Variants in STK3 observed in about 807,000 individuals in gnomAD.
STK3 encodes the protein serine/threonine-protein kinase 3.
In STK3, 41 loss-of-function variants were observed where a neutral mutation model predicts 58.0. That is an observed-to-expected ratio of 0.71 (90% CI 0.55 to 0.92). STK3 has a LOEUF of 0.92. STK3 is among the 40% of genes least tolerant of loss of function. STK3 has a pLI of 0.00. For missense variants in STK3, 479 were observed against 602.7 expected, an observed-to-expected ratio of 0.79 and a Z score of 2.15; for synonymous variants, 170 against 191.0, an observed-to-expected ratio of 0.89 and a Z score of 0.91.
intron 6 of STK3, among the ~76,000 whole-genome samples, chr8:98,666,825 C>G: frequency 6.6e-6 from 1 of 151,950 alleles, no homozygotes. Context: ...TTACAATGTC[C>G]CAAACACATG....
chr8:98,930,659 G>A (rs944805895), intron 1 of STK3, among the ~76,000 whole-genome samples: 1 of 152,098 alleles, frequency 6.6e-6, no homozygotes, highest in Non-Finnish European at 1.5e-5. Flanking sequence ...ATTTAGGAAG[G>A]GTAAAAAATA....
intron 9 of STK3, among the ~76,000 whole-genome samples, chr8:98,533,991 T>A (rs765246936): frequency 9.9e-5 from 15 of 152,218 alleles, no homozygotes; most frequent in Non-Finnish European, 2.1e-4. Context: ...AATTAGTAGA[T>A]GCTATATGTA....
chr8:98,609,759 G>C (rs1817044797), intron 6 of STK3, among the ~76,000 whole-genome samples: 1 of 152,096 alleles, frequency 6.6e-6, no homozygotes, highest in East Asian at 1.9e-4. Context: ...AGGAGATCGA[G>C]ACCATCCTGG....
intron 3 of STK3, among the ~76,000 whole-genome samples, chr8:98,402,317 C>T (rs1369773999): frequency 1.3e-5 from 2 of 152,142 alleles, no homozygotes; most frequent in Admixed American, 6.5e-5. Context: ...ATCTGCATAC[C>T]ACTGTGGAGA....
chr8:98,934,488 G>A (rs1396594651), intron 1 of STK3, among the ~76,000 whole-genome samples: 1 of 152,224 alleles, frequency 6.6e-6, no homozygotes, highest in African/African-American at 2.4e-5. Flanking sequence ...GGGGCAAGTA[G>A]TGGCAATATG....
chr8:98,723,694 T>C (rs1372697190), intron 4 of STK3, among the ~76,000 whole-genome samples: 2 of 152,178 alleles, frequency 1.3e-5, no homozygotes, highest in Non-Finnish European at 2.9e-5. Context: ...ACCTATTAGA[T>C]AGTAAGGATA....
At chr8:98,929,095 G>C (rs368810548) in intron 1 of STK3, among the ~76,000 whole-genome samples, 25 of 151,896 alleles carry the variant, frequency 1.6e-4, no homozygotes, top group Non-Finnish European at 2.9e-4. Context: ...GTGAAACCCC[G>C]TCTCTACTAA....
At chr8:98,794,202 A>G (rs1028599170) in intron 1 of STK3, among the ~76,000 whole-genome samples, 2 of 152,174 alleles carry the variant, frequency 1.3e-5, no homozygotes, top group Non-Finnish European at 2.9e-5. Flanking sequence ...ATTAAGACCA[A>G]AAATACAAAG....
chr8:98,939,209 AAGAGGT>A (rs1214022538), intron 1 of STK3, among the ~76,000 whole-genome samples: 7 of 152,198 alleles, frequency 4.6e-5, no homozygotes, highest in Non-Finnish European at 7.4e-5. Context: ...AGGAAGAAGG[AAGAGGT>A]AGGGACGGAG....
At chr8:98,782,581 G>T in intron 1 of STK3, 1 of 296,112 alleles carries the variant, frequency 3.4e-6, no homozygotes. Context: ...AGGCCAAGAA[G>T]GAAGAGAGCA....
At chr8:98,893,805 G>C (rs1231066146) in intron 1 of STK3, among the ~76,000 whole-genome samples, 2 of 152,326 alleles carry the variant, frequency 1.3e-5, no homozygotes, top group East Asian at 3.9e-4. Flanking sequence ...GAAGCTGCAA[G>C]AACAAGGCAG....
chr8:98,694,578 T>C (rs1054908588), intron 6 of STK3, among the ~76,000 whole-genome samples: 1 of 152,108 alleles, frequency 6.6e-6, no homozygotes, highest in East Asian at 1.9e-4. Flanking sequence ...TCAATTCCCA[T>C]CTATGAGTGA....
intron 3 of STK3, among the ~76,000 whole-genome samples, chr8:98,752,184 C>T (rs1830028442): frequency 2.0e-5 from 3 of 152,066 alleles, no homozygotes; most frequent in South Asian, 2.1e-4. Context: ...ATCACACTAC[C>T]CGACTTCAAA....
At chr8:98,763,512 C>T (rs958294510) in intron 3 of STK3, among the ~76,000 whole-genome samples, 2 of 151,826 alleles carry the variant, frequency 1.3e-5, no homozygotes, top group African/African-American at 4.8e-5. Flanking sequence ...TCTCATTTTC[C>T]CTATCAAAAT....
chr8:98,359,774 C>A, the STK3 span, among the ~76,000 whole-genome samples: 3 of 152,288 alleles, frequency 2.0e-5, no homozygotes, highest in African/African-American at 7.2e-5. Context: ...ATGAGGCCCT[C>A]CAGACTCTCA....
At chr8:98,616,858 T>C (rs1483379801) in intron 6 of STK3, among the ~76,000 whole-genome samples, 3 of 150,058 alleles carry the variant, frequency 2.0e-5, no homozygotes, top group Admixed American at 2.0e-4. Context: ...CACACATTAA[T>C]AATGGGAGAC....
intron 1 of STK3, among the ~76,000 whole-genome samples, chr8:98,939,247 G>C (rs1190653620): frequency 6.6e-6 from 1 of 152,242 alleles, no homozygotes; most frequent in Non-Finnish European, 1.5e-5. Context: ...GCACGCGCGG[G>C]AAAGATAAAT....
At chr8:98,904,795 C>A in intron 1 of STK3, 1 of 666,094 alleles carries the variant, frequency 1.5e-6, no homozygotes. Context: ...GCCGGAGCGG[C>A]AGCCATAGTA....
chr8:98,758,732 G>A (rs966218025), intron 3 of STK3, among the ~76,000 whole-genome samples: 2 of 152,230 alleles, frequency 1.3e-5, no homozygotes, highest in African/African-American at 4.8e-5. Flanking sequence ...CGTCTACATT[G>A]AAAATCTGTT....
Sources: gnomAD v4.1 joint callset for allele counts (sites outside exome capture counted in the v4.1 genomes callset) on GRCh38, gnomAD v4.1.1 for gene constraint, MANE v1.5 for transcripts, NCBI Gene and HGNC (gene_info 2026-07-23, HGNC 2026-07-21) for gene names.